Variants in NIPAL2 observed in about 807,000 individuals in gnomAD.
NIPAL2 encodes the protein NIPA-like protein 2.
A neutral mutation model predicts 48.9 loss-of-function variants in NIPAL2; 43 were observed. That is an observed-to-expected ratio of 0.88 (90% CI 0.69 to 1.13). The LOEUF is 1.13. Among genes scored for constraint, NIPAL2 ranks in the 50% most tolerant of loss-of-function variants. The pLI, the probability that NIPAL2 is intolerant of heterozygous loss-of-function variation, is 0.00. For synonymous variants in NIPAL2, 167 were observed against 174.6 expected (o/e 0.96, Z 0.34); for missense variants, 446 against 461.4 (o/e 0.97, Z 0.31).
chr8:98,217,324 G>A (rs1811626313), intron 5 of NIPAL2: 7 of 913,898 alleles, frequency 7.7e-6, no homozygotes, highest in East Asian at 1.2e-4. Context: ...GGGTTGATGT[G>A]AGCCAGTGGG....
At chr8:98,252,783 T>C (rs1486220957) in intron 2 of NIPAL2, 149 bp from the exon 3 acceptor site, 9 of 672,786 alleles carry the variant, frequency 1.3e-5, no homozygotes, top group African/African-American at 3.7e-5. Context: ...TTTTGGGGAA[T>C]TATTGAAAAT....
rs372221208 is a variant in NIPAL2 at position 98,222,827 on chromosome 8, A to G, written c.437-227T>C. ...TGGATGGGGCAGGACATAACTTCCA[A>G]TTTTTCTCTATTGTTCTGGATAAAT... On this transcript the variant is annotated intron_variant, in intron 4 of 10. Transcript: ENST00000430223. 1.4e-4 allele frequency among the ~76,000 whole-genome samples: 22 copies of G among 152,238 alleles called. No homozygotes were observed. The South Asian group carries it at 4.6e-3, about 32-fold the overall frequency.
At chr8:98,250,118 T>A (rs1290228698) in intron 3 of NIPAL2, among the ~76,000 whole-genome samples, 1 of 152,170 alleles carries the variant, frequency 6.6e-6, no homozygotes, top group Non-Finnish European at 1.5e-5. Flanking sequence ...TCTCTCTCTC[T>A]GTCTCCTACT....
At chr8:98,238,615 T>C (rs563608928) in intron 3 of NIPAL2, among the ~76,000 whole-genome samples, 1 of 152,110 alleles carries the variant, frequency 6.6e-6, no homozygotes, top group Non-Finnish European at 1.5e-5. Context: ...TTCCTTTTTT[T>C]TTTTTTCCTC....
chr8:98,209,610 T>G (rs1811215681), intron 6 of NIPAL2, among the ~76,000 whole-genome samples: 1 of 152,026 alleles, frequency 6.6e-6, no homozygotes, highest in Non-Finnish European at 1.5e-5. Flanking sequence ...AGAGCAAGGC[T>G]CTGTCTCAAA....
At chr8:98,222,318 G>T (rs1387208000) in intron 5 of NIPAL2, among the ~76,000 whole-genome samples, 161 bp downstream of exon 5, 2 of 152,114 alleles carry the variant, frequency 1.3e-5, no homozygotes, top group African/African-American at 4.8e-5. Context: ...TGCTTCTGTT[G>T]CTGACTTAGT....
At chr8:98,224,121 T>A (rs1198422838) in intron 4 of NIPAL2, among the ~76,000 whole-genome samples, 1 of 152,202 alleles carries the variant, frequency 6.6e-6, no homozygotes, top group East Asian at 1.9e-4. Context: ...TAGTATCCAG[T>A]TCTATTAACT....
intron 1 of NIPAL2, 122 bp from the exon 2 acceptor site, chr8:98,254,209 A>T: frequency 1.5e-6 from 1 of 675,654 alleles, no homozygotes; most frequent in Non-Finnish European, 2.4e-6. Flanking sequence ...CCCATTTCCC[A>T]GGGTAGGTTT....
chr8:98,260,790 G>T (rs1173445906), intron 1 of NIPAL2, among the ~76,000 whole-genome samples: 1 of 152,250 alleles, frequency 6.6e-6, no homozygotes, highest in Non-Finnish European at 1.5e-5. Flanking sequence ...GCACAAGGAT[G>T]CCTGCCTGCC....
At chr8:98,241,888 G>C (rs1812998335) in intron 3 of NIPAL2, among the ~76,000 whole-genome samples, 1 of 152,110 alleles carries the variant, frequency 6.6e-6, no homozygotes, top group Admixed American at 6.6e-5. Flanking sequence ...TCATTTTACA[G>C]ATAAAAAAGC....
At chr8:98,239,863 CA>C (rs1309226813) in intron 3 of NIPAL2, among the ~76,000 whole-genome samples, 65 of 152,260 alleles carry the variant, frequency 4.3e-4, no homozygotes, top group African/African-American at 1.5e-3. Flanking sequence ...CAGCTAATAA[CA>C]TGACTTTTAA....
chr8:98,241,835 C>T lies in NIPAL2; in HGVS notation c.377-5621G>A, dbSNP rs11998456. 8.6e-3 allele frequency among the ~76,000 whole-genome samples: 1,299 copies of T among 151,766 alleles called. 24 individuals are homozygous for T. The highest frequency in any genetic ancestry group is 0.03 in the African/African-American group (1,226 of 41,360). Reference sequence around the variant, plus strand: ...TTTGACACGGAATAATTAACTCTTTCTATCCTCCCAGCGTCTCAATGAGAT... The same window carrying T: ...TTTGACACGGAATAATTAACTCTTTTTATCCTCCCAGCGTCTCAATGAGAT... On this transcript the variant is annotated intron_variant, in intron 3 of 10. Coordinates refer to ENST00000430223, the MANE Select transcript of NIPAL2 (RefSeq NM_001321635.2).
chr8:98,229,961 A>G (rs1412708402), intron 4 of NIPAL2, among the ~76,000 whole-genome samples: 7 of 152,222 alleles, frequency 4.6e-5, no homozygotes, highest in Non-Finnish European at 8.8e-5. Flanking sequence ...TATGAATACT[A>G]TATAATGTAT....
intron 8 of NIPAL2, among the ~76,000 whole-genome samples, chr8:98,196,753 G>A (rs1810571713): frequency 6.6e-6 from 1 of 152,186 alleles, no homozygotes; most frequent in African/African-American, 2.4e-5. Flanking sequence ...TGTTATCCTT[G>A]TTAGCCAGCC....
chr8:98,265,378 C>A (rs1294153101), intron 1 of NIPAL2, among the ~76,000 whole-genome samples: 11 of 138,038 alleles, frequency 8.0e-5, no homozygotes, highest in African/African-American at 3.0e-4. Flanking sequence ...TCGCAACCTA[C>A]TCATCTGACA....
At position 98,233,262 on chromosome 8, in the gene NIPAL2, G is replaced by GA. The variant is rs368079736; in HGVS notation, c.436+2892dup. On this transcript the variant is annotated intron_variant, in intron 4 of 10. Coordinates refer to ENST00000430223, the MANE Select transcript of NIPAL2 (RefSeq NM_001321635.2). Reference sequence around the variant, plus strand: ...AACAGAGCGAGACTCCATCTCAAAAGAAAAAAAAAAGGTGAGGAATTAGCA... The same window carrying GA: ...AACAGAGCGAGACTCCATCTCAAAAGAAAAAAAAAAAGGTGAGGAATTAGCA... Among the ~76,000 whole-genome samples the GA allele has an allele frequency of 7.8e-4, 107 of 137,364 alleles. 1 individual carries two copies. The highest frequency in any genetic ancestry group is 2.1e-3 in the African/African-American group (81 of 37,806). 90.1% of individuals were successfully genotyped at this position (137,364 alleles called of 152,430 possible).
chr8:98,269,365 A>T (rs980157521), intron 1 of NIPAL2, among the ~76,000 whole-genome samples: 2 of 152,244 alleles, frequency 1.3e-5, no homozygotes, highest in African/African-American at 4.8e-5. Flanking sequence ...CTTGAAAGTC[A>T]AAACTACTCA....
In NIPAL2 at chr8:98,191,902, A is replaced by C. The variant is rs1810317042; in HGVS notation, c.*1076T>G. On this transcript the variant is annotated 3_prime_UTR_variant, in exon 11 of 11. Transcript: ENST00000430223. Reference sequence around the variant, plus strand: ...TTGTTTTCTATGTCTACAGGTTTAAATGGCTGAAATTCAGTTCTCTAATCA... The same window carrying C: ...TTGTTTTCTATGTCTACAGGTTTAACTGGCTGAAATTCAGTTCTCTAATCA... 6.6e-6 allele frequency: 1 copy of C among 152,176 alleles called. No homozygotes were observed. The highest frequency in any genetic ancestry group is 2.4e-5 in the African/African-American group (1 of 41,438). 9.4% of individuals were successfully genotyped at this position (152,176 alleles called of 1,614,324 possible). A position where few individuals can be genotyped will look rare whatever the true frequency, so the allele number is the denominator to read the frequency against.
chr8:98,196,053 T>C, intron 8 of NIPAL2, 48 bp from the exon 9 acceptor site: 1 of 1,082,222 alleles, frequency 9.2e-7, no homozygotes, highest in Non-Finnish European at 1.4e-6. Flanking sequence ...GTAAGGTTAT[T>C]TATAATAGCT....
Sources: allele counts gnomAD v4.1 joint callset (sites outside exome capture counted in the v4.1 genomes callset), GRCh38; gene constraint gnomAD v4.1.1; transcripts MANE v1.5; gene names NCBI Gene and HGNC (gene_info 2026-07-23, HGNC 2026-07-21).